Variants in MACF1 observed in about 807,000 individuals in gnomAD.
MACF1 encodes the protein microtubule actin crosslinking factor 1.
A neutral mutation model predicts 854.8 loss-of-function variants in MACF1; 193 were observed. That is an observed-to-expected ratio of 0.23 (90% CI 0.20 to 0.25). The LOEUF is 0.25. Among genes scored for constraint, MACF1 ranks in the 10% least tolerant of loss-of-function variants. The pLI, the probability that MACF1 is intolerant of heterozygous loss-of-function variation, is 1.00. For synonymous variants in MACF1, 3,185 were observed against 3,226.7 expected, an observed-to-expected ratio of 0.99 and a Z score of 0.44; for missense variants, 7,722 against 8,929.1, an observed-to-expected ratio of 0.86 and a Z score of 5.45.
intron 2 of MACF1, among the ~76,000 whole-genome samples, chr1:39,236,236 G>A (rs1022116301): frequency 2.6e-5 from 4 of 152,134 alleles, no homozygotes; most frequent in Non-Finnish European, 5.9e-5. Flanking sequence ...TCTAGAAACC[G>A]TGCTCTTAAC....
intron 58 of MACF1, among the ~76,000 whole-genome samples, chr1:39,417,139 G>T (rs1643345517): frequency 6.6e-6 from 1 of 152,182 alleles, no homozygotes; most frequent in Non-Finnish European, 1.5e-5. Flanking sequence ...ATGTATATGT[G>T]CAAGTGCAGA....
intron 33 of MACF1, 68 bp downstream of exon 33, chr1:39,323,076 G>A (rs1179408327): frequency 2.1e-6 from 3 of 1,448,266 alleles, no homozygotes; most frequent in African/African-American, 2.8e-5. Context: ...ACGGTGGTGT[G>A]TGCCTGTAGT....
intron 2 of MACF1, among the ~76,000 whole-genome samples, chr1:39,234,440 C>T (rs1309307671): frequency 1.3e-4 from 19 of 148,846 alleles, no homozygotes; most frequent in South Asian, 4.3e-4. Context: ...ACCTCCCTCC[C>T]GGACGGGGCG....
chr1:39,434,751 C>A, intron 69 of MACF1, 119 bp downstream of exon 69: 1 of 783,980 alleles, frequency 1.3e-6, no homozygotes, highest in Non-Finnish European at 2.0e-6. Flanking sequence ...AATTCTTAAT[C>A]AGTTAGAATT....
intron 74 of MACF1, among the ~76,000 whole-genome samples, chr1:39,441,597 C>T (rs1229582436): frequency 6.6e-6 from 1 of 152,182 alleles, no homozygotes; most frequent in Non-Finnish European, 1.5e-5. Context: ...CTGTGAAAGT[C>T]ATTGCTTGCC....
intron 23 of MACF1, among the ~76,000 whole-genome samples, chr1:39,306,100 A>G (rs1298159816): frequency 6.6e-6 from 1 of 152,180 alleles, no homozygotes; most frequent in Non-Finnish European, 1.5e-5. Context: ...GAATGAAAGA[A>G]TGAATGAGTA....
At chr1:39,152,354 T>C (rs55734934) in intron 2 of MACF1, among the ~76,000 whole-genome samples, 44 of 152,314 alleles carry the variant, frequency 2.9e-4, no homozygotes, top group African/African-American at 1.0e-3. Flanking sequence ...ATTTGATGGA[T>C]AATTTGATTC....
At chr1:39,155,112 C>T (rs1412899714) in intron 2 of MACF1, among the ~76,000 whole-genome samples, 2 of 152,174 alleles carry the variant, frequency 1.3e-5, no homozygotes, top group African/African-American at 4.8e-5. Flanking sequence ...TGCTGTGACT[C>T]TGAGGAAAGA....
chr1:39,257,117 A>G (rs1645105763), intron 5 of MACF1, among the ~76,000 whole-genome samples: 2 of 152,226 alleles, frequency 1.3e-5, no homozygotes, highest in South Asian at 4.1e-4. Context: ...AAAAACCTGC[A>G]CATGAATATT....
At chr1:39,406,756 A>AATAAAAAAAAAAC (rs1553362901) in intron 58 of MACF1, among the ~76,000 whole-genome samples, 1 of 116,058 alleles carries the variant, frequency 8.6e-6, no homozygotes, top group African/African-American at 3.8e-5. Context: ...AAAAAAAAAA[A>AATAAAAAAAAAAC]AACATTCTTT....
chr1:39,184,286 CTG>C (rs2148237512), intron 2 of MACF1, among the ~76,000 whole-genome samples: 1 of 152,234 alleles, frequency 6.6e-6, no homozygotes, highest in Non-Finnish European at 1.5e-5. Context: ...GGTTCCTGCA[CTG>C]TGTGCCTCAG....
At chr1:39,116,760 G>A (rs1192416146) in intron 2 of MACF1, among the ~76,000 whole-genome samples, 1 of 152,108 alleles carries the variant, frequency 6.6e-6, no homozygotes, top group African/African-American at 2.4e-5. Flanking sequence ...TTGACTTTTG[G>A]ACAGGACATC....
upstream of MACF1, among the ~76,000 whole-genome samples, chr1:39,200,604 C>G (rs914354334): frequency 4.0e-5 from 6 of 151,792 alleles, no homozygotes; most frequent in Non-Finnish European, 8.8e-5. Context: ...GAGGCTGAGG[C>G]AGGAGAATCA....
At chr1:39,439,086 A>G (rs1161994749) in intron 71 of MACF1, among the ~76,000 whole-genome samples, 188 bp from the exon 72 acceptor site, 11 of 147,600 alleles carry the variant, frequency 7.5e-5, no homozygotes, top group African/African-American at 2.7e-4. Flanking sequence ...TCTGTCTCCA[A>G]AAAAAAAAAA....
At chr1:39,294,147 T>A (rs1645852636) in intron 18 of MACF1, among the ~76,000 whole-genome samples, 1 of 152,246 alleles carries the variant, frequency 6.6e-6, no homozygotes, top group Admixed American at 6.5e-5. Flanking sequence ...TACTCTGGAC[T>A]TTCCACAAAT....
intron 41 of MACF1, among the ~76,000 whole-genome samples, chr1:39,347,617 G>C (rs1219049935): frequency 6.6e-6 from 1 of 152,186 alleles, no homozygotes; most frequent in South Asian, 2.1e-4. Flanking sequence ...TGAGGAGAAG[G>C]GTTCTGAAAT....
intron 70 of MACF1, 77 bp downstream of exon 70, chr1:39,435,838 C>A: frequency 7.5e-7 from 1 of 1,324,800 alleles, no homozygotes; most frequent in Non-Finnish European, 1.1e-6. Context: ...AGGTATGTCT[C>A]TGTGCTCAGG....
chr1:39,131,556 G>A (rs1643006495), intron 2 of MACF1, among the ~76,000 whole-genome samples: 2 of 152,114 alleles, frequency 1.3e-5, no homozygotes, highest in Non-Finnish European at 2.9e-5. Context: ...TGAGCACCTT[G>A]AGAGCTGCGA....
chr1:39,410,212 G>T (rs997944632), intron 58 of MACF1: 12 of 1,332,130 alleles, frequency 9.0e-6, no homozygotes, highest in Non-Finnish European at 1.2e-5. Context: ...CATTTGGGGG[G>T]AACCTGTGAA....
Sources: gnomAD v4.1 joint callset for allele counts (sites outside exome capture counted in the v4.1 genomes callset) on GRCh38, gnomAD v4.1.1 for gene constraint, MANE v1.5 for transcripts, NCBI Gene and HGNC (gene_info 2026-07-23, HGNC 2026-07-21) for gene names.